PRKCH: variants seen among roughly 807,000 people sequenced by gnomAD.
PRKCH encodes the protein protein kinase C eta type.
Under a neutral mutation model 82.5 loss-of-function variants are expected in PRKCH, and 28 were observed. The observed-to-expected ratio is 0.34, with a 90% CI of 0.25 to 0.47. The LOEUF (loss-of-function observed/expected upper bound fraction) is 0.47, where lower values mean the gene tolerates loss of function less well. Among genes scored for constraint, PRKCH ranks in the 20% least tolerant of loss-of-function variants. The probability of loss-of-function intolerance (pLI) is 1.00; values close to 1 mark genes in which losing one functional copy is unlikely to be tolerated. For synonymous variants in PRKCH, 322 were observed against 327.4 expected (o/e 0.98, Z 0.18); for missense variants, 705 against 881.8 (o/e 0.80, Z 2.54).
chr14:61,548,883 A>G (rs559780487), intron 13 of PRKCH, among the ~76,000 whole-genome samples: 56 of 147,266 alleles, frequency 3.8e-4, no homozygotes, highest in African/African-American at 1.2e-3. Flanking sequence ...AAAAAAAGTG[A>G]TAGAGAAATA....
chr14:61,492,678 C>T (rs1418137986), intron 10 of PRKCH, among the ~76,000 whole-genome samples: 5 of 152,156 alleles, frequency 3.3e-5, no homozygotes, highest in African/African-American at 1.2e-4. Flanking sequence ...CACCTAGTGC[C>T]GGATGTTGCA....
intron 1 of PRKCH, among the ~76,000 whole-genome samples, chr14:61,314,469 T>C (rs1172869501): frequency 1.3e-5 from 2 of 152,226 alleles, no homozygotes; most frequent in African/African-American, 4.8e-5. Context: ...GATTTTCCTG[T>C]TAGAAAACAG....
chr14:61,239,982 A>T (rs1395144152), intron 1 of PRKCH, among the ~76,000 whole-genome samples: 4 of 152,164 alleles, frequency 2.6e-5, no homozygotes, highest in African/African-American at 9.7e-5. Flanking sequence ...ATAAGTTTGC[A>T]TTTCTTTATG....
intron 1 of PRKCH, among the ~76,000 whole-genome samples, chr14:61,293,616 C>A (rs535953496): frequency 6.6e-6 from 1 of 152,226 alleles, no homozygotes; most frequent in East Asian, 1.9e-4. Context: ...AAAATCAGAG[C>A]TATTTATTAG....
chr14:61,405,332 C>T (rs915560709), intron 2 of PRKCH, among the ~76,000 whole-genome samples: 3 of 151,796 alleles, frequency 2.0e-5, no homozygotes, highest in Non-Finnish European at 4.4e-5. Flanking sequence ...GCACCTCACT[C>T]ATCAAAAATA....
intron 1 of PRKCH, among the ~76,000 whole-genome samples, chr14:61,374,367 G>A (rs188613190): frequency 6.6e-6 from 1 of 152,248 alleles, no homozygotes; most frequent in Admixed American, 6.5e-5. Context: ...GACAATGTCT[G>A]TCTTCCCACA....
chr14:61,269,331 T>C (rs1489460778), intron 1 of PRKCH, among the ~76,000 whole-genome samples: 2 of 152,024 alleles, frequency 1.3e-5, no homozygotes, highest in Non-Finnish European at 1.5e-5. Context: ...ATCCAAACTT[T>C]ATTTACTCCC....
At chr14:61,532,843 A>G (rs2043057725) in intron 12 of PRKCH, among the ~76,000 whole-genome samples, 1 of 152,190 alleles carries the variant, frequency 6.6e-6, no homozygotes, top group Non-Finnish European at 1.5e-5. Flanking sequence ...TTGCAGGTTC[A>G]CTTTTGGGAA....
chr14:61,377,860 T>C (rs565794250), intron 1 of PRKCH, among the ~76,000 whole-genome samples: 28 of 152,364 alleles, frequency 1.8e-4, no homozygotes, highest in African/African-American at 5.5e-4. Flanking sequence ...TTCATTCATC[T>C]AGTAGACAAA....
At chr14:61,456,492 A>G (rs529548029) in intron 7 of PRKCH, among the ~76,000 whole-genome samples, 2 of 152,220 alleles carry the variant, frequency 1.3e-5, no homozygotes, top group Admixed American at 6.5e-5. Context: ...AGGCATGAAA[A>G]ATACCCAGGA....
chr14:61,225,741 CT>C (rs199858394), intron 1 of PRKCH, among the ~76,000 whole-genome samples: 152 of 147,568 alleles, frequency 1.0e-3, no homozygotes, highest in Admixed American at 1.0e-3. Flanking sequence ...GGAAGATATA[CT>C]TTTTTTTTTT....
At chr14:61,390,400 G>A (rs1038512582) in intron 1 of PRKCH, among the ~76,000 whole-genome samples, 1 of 152,244 alleles carries the variant, frequency 6.6e-6, no homozygotes, top group Admixed American at 6.5e-5. Flanking sequence ...GTCCGACACA[G>A]TGTCTCACGC....
At chr14:61,317,097 T>C (rs1032314546), upstream of PRKCH, among the ~76,000 whole-genome samples, 1 of 152,238 alleles carries the variant, frequency 6.6e-6, no homozygotes, top group African/African-American at 2.4e-5. Context: ...GGCGGCAGGC[T>C]GAGAGCCACA....
intron 1 of PRKCH, among the ~76,000 whole-genome samples, chr14:61,374,246 T>C (rs1183588500): frequency 6.6e-6 from 1 of 152,166 alleles, no homozygotes; most frequent in Non-Finnish European, 1.5e-5. Flanking sequence ...TTCTACTCTG[T>C]GCCTATGCAG....
chr14:61,233,925 C>A (rs1229042371), intron 1 of PRKCH, among the ~76,000 whole-genome samples: 1 of 152,134 alleles, frequency 6.6e-6, no homozygotes, highest in African/African-American at 2.4e-5. Context: ...TTCCATAACC[C>A]ATTTATTTAT....
chr14:61,190,803 C>T (rs2044402758), intron 1 of PRKCH, among the ~76,000 whole-genome samples: 1 of 152,170 alleles, frequency 6.6e-6, no homozygotes, highest in South Asian at 2.1e-4. Flanking sequence ...ATGTCACTTC[C>T]TCAGAGATGC....
At chr14:61,517,347 A>G (rs1347272852) in intron 10 of PRKCH, among the ~76,000 whole-genome samples, 3 of 152,242 alleles carry the variant, frequency 2.0e-5, no homozygotes, top group Non-Finnish European at 4.4e-5. Flanking sequence ...CTGGCAAAGC[A>G]AGGACATTGC....
Position 61,210,150 on chromosome 14 carries a change from ATATATATATAT to A in PRKCH, c.-19+22483_-19+22493del, listed in dbSNP as rs1566781713. 1.1e-3 allele frequency among the ~76,000 whole-genome samples: 90 copies of A among 84,660 alleles called. 3 individuals are homozygous for A. The highest frequency in any genetic ancestry group is 3.2e-3 in the South Asian group (8 of 2,516). 55.5% of individuals were successfully genotyped at this position (84,660 alleles called of 152,430 possible). A position where few individuals can be genotyped will look rare whatever the true frequency, so the allele number is the denominator to read the frequency against. ...TATATATATATATATATATATATAT[ATATATATATAT>A]AAATTAGCTTGGCATAGTGGCAGGC... On this transcript the variant is annotated intron_variant, in intron 1 of 3. Transcript: ENST00000555185.
intron 1 of PRKCH, among the ~76,000 whole-genome samples, chr14:61,211,718 G>A (rs535534973): frequency 6.5e-4 from 99 of 152,216 alleles, no homozygotes; most frequent in African/African-American, 1.9e-3. Context: ...TTGCTTCTCC[G>A]CTGTGGCTCC....
Sources: allele counts gnomAD v4.1 joint callset (sites outside exome capture counted in the v4.1 genomes callset), GRCh38; gene constraint gnomAD v4.1.1; transcripts MANE v1.5; gene names NCBI Gene and HGNC (gene_info 2026-07-23, HGNC 2026-07-21).